CDC42SE2: variants seen among roughly 807,000 people sequenced by gnomAD.
The protein encoded by CDC42SE2 is CDC42 small effector 2.
A neutral mutation model predicts 11.5 loss-of-function variants in CDC42SE2; 3 were observed. The observed-to-expected ratio is 0.26, with a 90% CI of 0.12 to 0.67. The LOEUF is 0.67. Ranked by LOEUF, CDC42SE2 falls within the 30% of genes least tolerant of loss-of-function variation. The probability of loss-of-function intolerance (pLI) is 0.80; values close to 1 mark genes in which losing one functional copy is unlikely to be tolerated. For missense variants in CDC42SE2, 82 were observed against 106.8 expected (o/e 0.77, Z 1.02); for synonymous variants, 33 against 34.8 (o/e 0.95, Z 0.18).
intron 1 of CDC42SE2, among the ~76,000 whole-genome samples, chr5:131,301,310 A>T (rs982171280): frequency 4.6e-5 from 7 of 152,172 alleles, no homozygotes; most frequent in African/African-American, 1.7e-4. Context: ...ATATAGCTTC[A>T]AATAGCTAAA....
intron 1 of CDC42SE2, among the ~76,000 whole-genome samples, chr5:131,267,896 C>T (rs1016281359): frequency 6.6e-6 from 1 of 151,842 alleles, no homozygotes; most frequent in Non-Finnish European, 1.5e-5. Context: ...TGGTTTTGAT[C>T]TGCTGTATTG....
upstream of CDC42SE2, among the ~76,000 whole-genome samples, chr5:131,260,578 T>C (rs1756715508): frequency 1.4e-5 from 2 of 147,252 alleles, no homozygotes; most frequent in Non-Finnish European, 3.0e-5. Context: ...TGAGCCAAGA[T>C]TGCACCACTG....
intron 1 of CDC42SE2, among the ~76,000 whole-genome samples, chr5:131,282,110 C>T (rs1419509663): frequency 1.3e-5 from 2 of 152,138 alleles, no homozygotes; most frequent in African/African-American, 4.8e-5. Flanking sequence ...AGTAGTTTTT[C>T]GGACTGTTTT....
At chr5:131,285,352 T>A (rs116634569) in intron 1 of CDC42SE2, among the ~76,000 whole-genome samples, 1,942 of 152,212 alleles carry the variant, frequency 0.013, 33 homozygotes, top group African/African-American at 0.04. Context: ...TGATATAAAT[T>A]TATTCAGCCA....
At chr5:131,274,956 A>G (rs368804428) in intron 1 of CDC42SE2, among the ~76,000 whole-genome samples, 30 of 152,312 alleles carry the variant, frequency 2.0e-4, no homozygotes, top group African/African-American at 5.3e-4. Context: ...GAATGTTTCT[A>G]TAACTAAAAG....
At chr5:131,348,149 A>G (rs193013733) in intron 2 of CDC42SE2, among the ~76,000 whole-genome samples, 28 of 152,332 alleles carry the variant, frequency 1.8e-4, no homozygotes, top group Admixed American at 1.3e-3. Context: ...GGCAAGGGCA[A>G]TCAGGCAGGA....
At chr5:131,239,918 G>A in the CDC42SE2 span, among the ~76,000 whole-genome samples, 8 of 152,154 alleles carry the variant, frequency 5.3e-5, no homozygotes, top group African/African-American at 1.9e-4. Context: ...TCCTTCATTA[G>A]ATCATTGCTT....
chr5:131,265,106 C>T (rs1756831297), intron 1 of CDC42SE2, among the ~76,000 whole-genome samples: 1 of 152,070 alleles, frequency 6.6e-6, no homozygotes, highest in African/African-American at 2.4e-5. Flanking sequence ...GAAAGAATGT[C>T]GGCAAACAGT....
At chr5:131,250,523 A>C (rs763083275) in intron 1 of CDC42SE2, among the ~76,000 whole-genome samples, 4 of 152,178 alleles carry the variant, frequency 2.6e-5, no homozygotes, top group Admixed American at 6.5e-5. Context: ...GAAAAGGCAA[A>C]ACTGTGGAGA....
intron 3 of CDC42SE2, among the ~76,000 whole-genome samples, chr5:131,376,633 G>C (rs1750163870): frequency 6.6e-6 from 1 of 152,062 alleles, no homozygotes; most frequent in South Asian, 2.1e-4. Flanking sequence ...GTCGTTTTTT[G>C]ATCCTCTCCC....
chr5:131,312,792 C>T (rs1399533228), intron 1 of CDC42SE2, among the ~76,000 whole-genome samples: 2 of 152,144 alleles, frequency 1.3e-5, no homozygotes, highest in African/African-American at 4.8e-5. Context: ...CCTCGCCCTA[C>T]TTTGGCTTGC....
chr5:131,217,434 T>G, the CDC42SE2 span, among the ~76,000 whole-genome samples: 4 of 152,244 alleles, frequency 2.6e-5, no homozygotes, highest in East Asian at 7.7e-4. Flanking sequence ...TAAAGGCTTA[T>G]GTTTTCTGAA....
chr5:131,349,596 T>C (rs10056168), intron 2 of CDC42SE2, among the ~76,000 whole-genome samples: 4,752 of 152,322 alleles, frequency 0.031, 189 homozygotes, highest in African/African-American at 0.093. Flanking sequence ...TGCCCCTAAC[T>C]GCCATGTCGT....
At chr5:131,237,880 T>C in the CDC42SE2 span, among the ~76,000 whole-genome samples, 1 of 152,218 alleles carries the variant, frequency 6.6e-6, no homozygotes, top group Admixed American at 6.5e-5. Flanking sequence ...GTGTGAGCCA[T>C]TGCACATTGC....
intron 2 of CDC42SE2, among the ~76,000 whole-genome samples, chr5:131,256,175 C>T (rs1254804751): frequency 6.6e-6 from 1 of 152,084 alleles, no homozygotes; most frequent in East Asian, 1.9e-4. Context: ...GCTTTTTTGC[C>T]CAAGTGGAAA....
intron 1 of CDC42SE2, among the ~76,000 whole-genome samples, chr5:131,295,976 C>T (rs1404899155): frequency 6.6e-6 from 1 of 152,144 alleles, no homozygotes; most frequent in Non-Finnish European, 1.5e-5. Context: ...TGAGCCACCG[C>T]ACCCGGCCAA....
intron 1 of CDC42SE2, among the ~76,000 whole-genome samples, chr5:131,280,771 C>T (rs1004971403): frequency 6.6e-6 from 1 of 152,064 alleles, no homozygotes; most frequent in Non-Finnish European, 1.5e-5. Context: ...CCGACTGATC[C>T]TTTAATAGTA....
chr5:131,283,482 A>G (rs963246390), intron 1 of CDC42SE2, among the ~76,000 whole-genome samples: 1 of 151,558 alleles, frequency 6.6e-6, no homozygotes, highest in Non-Finnish European at 1.5e-5. Flanking sequence ...TATAGCATGT[A>G]TCAGTACATC....
intron 2 of CDC42SE2, among the ~76,000 whole-genome samples, chr5:131,345,888 C>G: frequency 6.6e-6 from 1 of 152,134 alleles, no homozygotes; most frequent in Non-Finnish European, 1.5e-5. Context: ...AATTTCATAT[C>G]CAGCCAAACT....
Sources: gnomAD v4.1 joint callset for allele counts (sites outside exome capture counted in the v4.1 genomes callset) on GRCh38, gnomAD v4.1.1 for gene constraint, MANE v1.5 for transcripts, NCBI Gene and HGNC (gene_info 2026-07-23, HGNC 2026-07-21) for gene names.